ARHGAP40: variants seen among roughly 807,000 people sequenced by gnomAD.
ARHGAP40 encodes the protein rho GTPase-activating protein 40.
A neutral mutation model predicts 73.5 loss-of-function variants in ARHGAP40; 43 were observed. That is an observed-to-expected ratio of 0.58 (90% confidence interval 0.46 to 0.75). ARHGAP40 has a LOEUF of 0.75. Among genes scored for constraint, ARHGAP40 ranks in the 30% least tolerant of loss-of-function variants. The pLI is 0.00. For synonymous variants in ARHGAP40, 300 were observed against 352.8 expected (o/e 0.85, Z 1.68); for missense variants, 734 against 861.8 (o/e 0.85, Z 1.86).
chr20:38,627,272 C>T, intron 3 of ARHGAP40, 57 bp downstream of exon 3: 1 of 1,276,626 alleles, frequency 7.8e-7, no homozygotes, highest in Non-Finnish European at 1.0e-6. Flanking sequence ...TGTGCTGCCG[C>T]CACAGCCTGA....
At chr20:38,606,284 A>G (rs2088770320) in intron 1 of ARHGAP40, among the ~76,000 whole-genome samples, 1 of 152,202 alleles carries the variant, frequency 6.6e-6, no homozygotes, top group South Asian at 2.1e-4. Flanking sequence ...TGCTATTATA[A>G]ACTATACTGC....
At chr20:38,639,578 G>A (rs1036698895) in intron 9 of ARHGAP40, among the ~76,000 whole-genome samples, 192 bp downstream of exon 9, 4 of 152,258 alleles carry the variant, frequency 2.6e-5, no homozygotes, top group African/African-American at 9.6e-5. Flanking sequence ...ATGTGCACGC[G>A]TGTCCTGCGT....
rs575406351 is a variant in ARHGAP40, at chr20:38,601,952, C to T, written c.10C>T (p.Pro4Ser). 7.0e-6 allele frequency: 9 copies of T among 1,287,974 alleles called. No individual in the cohort carries two copies. In the East Asian group the frequency reaches 3.9e-4, roughly 56 times the overall value. The allele number at this position is 1,287,974 out of a possible 1,614,324, so 79.8% of individuals were successfully genotyped here. Residue 4 changes from proline (P) to serine (S), a missense_variant, in exon 1 of 15, where the codon CCT (proline) becomes TCT (serine). Physicochemically the swap from Pro to Ser is moderately conservative, Grantham distance 74 (BLOSUM62 -1). Transcript: ENST00000373345. ...CTCGAGGTGCCAGCCCATGGCCGAG[C>T]CTGCCCTCCTCCCCGCCGCCCAGAT...
chr20:38,612,969 G>A (rs550349529), intron 1 of ARHGAP40, among the ~76,000 whole-genome samples: 56 of 152,336 alleles, frequency 3.7e-4, no homozygotes, highest in African/African-American at 1.3e-3. Flanking sequence ...ACAGGGCTGC[G>A]CTGCTGGCTG....
intron 1 of ARHGAP40, among the ~76,000 whole-genome samples, chr20:38,622,108 TA>T (rs1328599203): frequency 3.3e-5 from 5 of 150,690 alleles, no homozygotes; most frequent in South Asian, 2.1e-4. Context: ...CATATATATA[TA>T]TTTTTTTTTT....
intron 1 of ARHGAP40, among the ~76,000 whole-genome samples, chr20:38,621,691 C>T (rs1299784142): frequency 6.6e-6 from 1 of 152,198 alleles, no homozygotes; most frequent in African/African-American, 2.4e-5. Flanking sequence ...CTACTTTGCT[C>T]ACTTCTGCAT....
intron 1 of ARHGAP40, among the ~76,000 whole-genome samples, chr20:38,614,336 C>G (rs1418739578): frequency 6.6e-6 from 1 of 152,200 alleles, no homozygotes; most frequent in Non-Finnish European, 1.5e-5. Context: ...TGGCTGTGCC[C>G]TGAGATTGCC....
At position 38,646,015 on chromosome 20, in the gene ARHGAP40, C is replaced by T. The variant is rs1341977149; in HGVS notation, c.1570-32C>T. ...TGCCTCTCGCCCCCAGAAGTCCTATCCCCCTGCCAAAACTTGATCCTTTCT... is the reference window on the plus strand; with the variant it reads ...TGCCTCTCGCCCCCAGAAGTCCTATTCCCCTGCCAAAACTTGATCCTTTCT... On this transcript the variant is annotated intron_variant, in intron 11 of 14. Transcript: ENST00000373345. The surrounding 1 kb of genome is among the most constrained non-coding windows in gnomAD (Gnocchi z 4.5). 3 of 1,281,572 alleles carry T rather than the reference C, an allele frequency of 2.3e-6. No individual in the cohort carries two copies. The highest frequency in any genetic ancestry group is 3.1e-6 in the Non-Finnish European group (3 of 974,810). 79.4% of individuals were successfully genotyped at this position (1,281,572 alleles called of 1,614,324 possible). A position where few individuals can be genotyped will look rare whatever the true frequency, so the allele number is the denominator to read the frequency against.
intron 6 of ARHGAP40, among the ~76,000 whole-genome samples, chr20:38,636,687 T>C (rs1018142648): frequency 6.6e-6 from 1 of 152,238 alleles, no homozygotes; most frequent in African/African-American, 2.4e-5. Flanking sequence ...ACACAATCAT[T>C]ACTGCTGTAT....
chr20:38,634,764 G>T (rs1205391820), exon 6 of ARHGAP40: 1 of 1,293,848 alleles, frequency 7.7e-7, no homozygotes, highest in African/African-American at 1.5e-5. Context: ...GAGGAGCAAG[G>T]CGGGGAAGTG....
exon 3 of ARHGAP40, chr20:38,627,154 G>T: frequency 7.7e-7 from 1 of 1,305,464 alleles, no homozygotes; most frequent in Non-Finnish European, 1.0e-6. Flanking sequence ...CGCTCAGTGC[G>T]AAGACAACAC....
chr20:38,615,106 C>G (rs117365767), intron 1 of ARHGAP40: 15,634 of 946,294 alleles, frequency 0.017, 183 homozygotes, highest in Non-Finnish European at 0.023. Flanking sequence ...ATACGAGTGT[C>G]CCATATATCC....
At chr20:38,619,836 C>T (rs537372605) in intron 1 of ARHGAP40, among the ~76,000 whole-genome samples, 3 of 151,820 alleles carry the variant, frequency 2.0e-5, no homozygotes, top group African/African-American at 7.3e-5. Context: ...TGTGGAATCT[C>T]AGCACTTTGG....
chr20:38,630,460 A>C (rs760520180), intron 5 of ARHGAP40, among the ~76,000 whole-genome samples: 1 of 151,806 alleles, frequency 6.6e-6, no homozygotes, highest in Non-Finnish European at 1.5e-5. Flanking sequence ...GGCTCAAGCA[A>C]TCCTCCAGCC....
At position 38,634,723 on chromosome 20, in the gene ARHGAP40, C is replaced by A. The variant is rs749710569; in HGVS notation, c.887C>A (p.Ala296Glu). ...TCTCTGGCCCTCATAGAGCTGACCGCGCTCTGTGACATCCTCGGCTTGGAC... is the reference window on the plus strand; with the variant it reads ...TCTCTGGCCCTCATAGAGCTGACCGAGCTCTGTGACATCCTCGGCTTGGAC... Residue 296 changes from alanine (A) to glutamate (E), a missense_variant, in exon 6 of 15, where the codon GCG (alanine) becomes GAG (glutamate). By Grantham distance (107) the Ala-to-Glu change is moderately radical. Transcript: ENST00000373345. 1.8e-5 allele frequency: 23 copies of A among 1,305,078 alleles called. No homozygotes were observed. In the South Asian group the frequency reaches 2.5e-4, roughly 14 times the overall value. 80.8% of individuals were successfully genotyped at this position (1,305,078 alleles called of 1,614,324 possible).
chr20:38,649,874 G>A, exon 15 of ARHGAP40: 1 of 1,288,458 alleles, frequency 7.8e-7, no homozygotes, highest in Non-Finnish European at 1.0e-6. Context: ...GGAGCAGCCT[G>A]GATGCCTCCT....
At position 38,603,891 on chromosome 20, in the gene ARHGAP40, GTCTCCTTCTCTGAC is replaced by G. The variant is rs1397815607; in HGVS notation, c.137+1819_137+1832del. 4.6e-5 allele frequency among the ~76,000 whole-genome samples: 7 copies of G among 152,236 alleles called. No individual in the cohort carries two copies. The South Asian group carries it at 1.2e-3, about 27-fold the overall frequency. ...CTCTGACCTCCACAGTCATCCCCAT[GTCTCCTTCTCTGAC>G]TCTCCTGCCTCCCTCTTTCATTGAT... On this transcript the variant is annotated intron_variant, in intron 1 of 14. Transcript: ENST00000373345.
chr20:38,612,701 G>GA (rs1294963523), intron 1 of ARHGAP40, among the ~76,000 whole-genome samples: 1 of 151,576 alleles, frequency 6.6e-6, no homozygotes, highest in East Asian at 1.9e-4. Context: ...AAAGAGATAA[G>GA]AAAAGAAAAG....
chr20:38,614,182 T>G (rs904539779), intron 1 of ARHGAP40, among the ~76,000 whole-genome samples: 3 of 151,978 alleles, frequency 2.0e-5, no homozygotes, highest in African/African-American at 4.8e-5. Context: ...GTTATGTGAG[T>G]GATATGGGTA....
Sources: gnomAD v4.1 joint callset for allele counts (sites outside exome capture counted in the v4.1 genomes callset) on GRCh38, gnomAD v4.1.1 for gene constraint, Gnocchi (gnomAD v3.1) non-coding constraint, MANE v1.5 for transcripts, NCBI Gene and HGNC (gene_info 2026-07-23, HGNC 2026-07-21) for gene names.